SUSD1: variants seen among roughly 807,000 people sequenced by gnomAD.
SUSD1 encodes sushi domain-containing protein 1.
A neutral mutation model predicts 86.9 loss-of-function variants in SUSD1; 65 were observed. The observed-to-expected ratio is 0.75, with a 90% CI of 0.61 to 0.92. SUSD1 has a LOEUF of 0.92. Among genes scored for constraint, SUSD1 ranks in the 40% least tolerant of loss-of-function variants. The pLI, the probability that SUSD1 is intolerant of heterozygous loss-of-function variation, is 0.00. For missense variants in SUSD1, 850 were observed against 929.7 expected, an observed-to-expected ratio of 0.91 and a Z score of 1.11; for synonymous variants, 346 against 350.0, an observed-to-expected ratio of 0.99 and a Z score of 0.13.
chr9:112,164,737 G>A (rs189483668), intron 1 of SUSD1, among the ~76,000 whole-genome samples: 24 of 152,286 alleles, frequency 1.6e-4, no homozygotes, highest in African/African-American at 5.1e-4. Context: ...GAGGTCAAGA[G>A]ATTGAGATCA....
chr9:112,061,080 T>G (rs1297219070), intron 13 of SUSD1, among the ~76,000 whole-genome samples: 3 of 152,196 alleles, frequency 2.0e-5, no homozygotes, highest in African/African-American at 7.2e-5. Context: ...TCTGTATCGC[T>G]GGTAAAGCTC....
chr9:112,137,221 G>A (rs1832304141), intron 5 of SUSD1, among the ~76,000 whole-genome samples: 1 of 152,188 alleles, frequency 6.6e-6, no homozygotes, highest in Admixed American at 6.5e-5. Flanking sequence ...TCAGAAAGGA[G>A]CAGGCACAGC....
intron 12 of SUSD1, among the ~76,000 whole-genome samples, chr9:112,069,525 C>T (rs188238799): frequency 6.6e-6 from 1 of 152,136 alleles, no homozygotes; most frequent in African/African-American, 2.4e-5. Flanking sequence ...CCTTTGAGAT[C>T]GAACTGCCCT....
At chr9:112,109,224 C>A (rs552291882) in intron 8 of SUSD1, among the ~76,000 whole-genome samples, 60 of 152,258 alleles carry the variant, frequency 3.9e-4, no homozygotes, top group African/African-American at 1.4e-3. Context: ...GAAACTTCAA[C>A]AATCTTTTGA....
At chr9:112,115,824 G>GAAAAAAAA in intron 6 of SUSD1, among the ~76,000 whole-genome samples, 1 of 120,948 alleles carries the variant, frequency 8.3e-6, no homozygotes, top group Non-Finnish European at 1.6e-5. Flanking sequence ...AAAAAAAAAA[G>GAAAAAAAA]AAAAAAAAAA....
intron 12 of SUSD1, among the ~76,000 whole-genome samples, chr9:112,065,345 A>G (rs1051896287): frequency 1.3e-5 from 2 of 152,096 alleles, no homozygotes; most frequent in African/African-American, 4.8e-5. Context: ...CAACATGGTG[A>G]AATCCCATCT....
chr9:112,067,334 G>A (rs796421349), intron 12 of SUSD1, among the ~76,000 whole-genome samples: 3 of 152,234 alleles, frequency 2.0e-5, no homozygotes, highest in Non-Finnish European at 4.4e-5. Flanking sequence ...GTGACACCAC[G>A]TGTGACTGAA....
At chr9:112,083,019 G>T (rs1238173797) in intron 10 of SUSD1, among the ~76,000 whole-genome samples, 1 of 152,076 alleles carries the variant, frequency 6.6e-6, no homozygotes, top group Non-Finnish European at 1.5e-5. Flanking sequence ...GATTATAAAT[G>T]TAAGCCACTG....
At chr9:112,056,259 T>A (rs1344872088) in intron 14 of SUSD1, among the ~76,000 whole-genome samples, 1 of 151,456 alleles carries the variant, frequency 6.6e-6, no homozygotes, top group Non-Finnish European at 1.5e-5. Context: ...AGAGCAAGAC[T>A]CTGCCTCAAA....
At chr9:112,106,923 T>A (rs770031157) in intron 8 of SUSD1, among the ~76,000 whole-genome samples, 9 of 150,368 alleles carry the variant, frequency 6.0e-5, no homozygotes, top group Non-Finnish European at 1.0e-4. Context: ...GAAAAGAAAA[T>A]CTGTGTAACA....
At chr9:112,163,573 G>A (rs1050346598) in intron 1 of SUSD1, among the ~76,000 whole-genome samples, 1 of 152,048 alleles carries the variant, frequency 6.6e-6, no homozygotes, top group Non-Finnish European at 1.5e-5. Context: ...AGGAGATCAA[G>A]GCTGCAGTGT....
intron 5 of SUSD1, among the ~76,000 whole-genome samples, chr9:112,128,145 T>C (rs757969488): frequency 1.3e-5 from 2 of 152,170 alleles, no homozygotes; most frequent in Non-Finnish European, 2.9e-5. Flanking sequence ...CAGGCTGGAG[T>C]GCAGTGGCAC....
At chr9:112,043,977 T>G (rs2118829090) in intron 15 of SUSD1, among the ~76,000 whole-genome samples, 1 of 152,066 alleles carries the variant, frequency 6.6e-6, no homozygotes, top group East Asian at 1.9e-4. Flanking sequence ...GTTTTTGTAT[T>G]TTAGTAGAGA....
chr9:112,093,483 A>G (rs1388200258), intron 10 of SUSD1, among the ~76,000 whole-genome samples: 3 of 152,158 alleles, frequency 2.0e-5, no homozygotes, highest in Non-Finnish European at 4.4e-5. Flanking sequence ...TTACAGACCC[A>G]ACTGCCCATA....
Position 112,149,332 on chromosome 9 carries a change from G to A in SUSD1, c.285C>T (p.Pro95=), listed in dbSNP as rs773178986. 24 of 1,614,120 alleles carry A rather than the reference G, an allele frequency of 1.5e-5. No homozygotes were observed. Among genetic ancestry groups the A allele is most frequent in the South Asian group, 7.7e-5 (7 of 91,080 alleles). The change falls in exon 3 of 17, where the codon CCC becomes CCT. Residue 95 remains proline (P), a synonymous_variant. Transcript: ENST00000374270. ...CGNHTSCHNT[P]GGFYCICLEG... ...CCAGGCAAATGCAATAGAAGCCCCC[G>A]GGGGTGTTGTGGCAAGATGTGTGGT... is the stretch of plus-strand genomic sequence containing the variant.
chr9:112,159,856 C>T (rs1399789695), intron 1 of SUSD1, among the ~76,000 whole-genome samples: 2 of 151,558 alleles, frequency 1.3e-5, no homozygotes, highest in East Asian at 3.9e-4. Context: ...ATAAATATTC[C>T]ATGGTTAATT....
intron 5 of SUSD1, among the ~76,000 whole-genome samples, chr9:112,131,845 A>C (rs1832048634): frequency 6.6e-6 from 1 of 152,226 alleles, no homozygotes; most frequent in South Asian, 2.1e-4. Flanking sequence ...CAGTCAACTA[A>C]TTATGAGCAT....
At chr9:112,136,205 T>C (rs1832256315) in intron 5 of SUSD1, among the ~76,000 whole-genome samples, 1 of 152,178 alleles carries the variant, frequency 6.6e-6, no homozygotes, top group Non-Finnish European at 1.5e-5. Flanking sequence ...AGAAAATGTA[T>C]TTAATTGTTT....
At chr9:112,072,199 G>A (rs554474798) in intron 12 of SUSD1, among the ~76,000 whole-genome samples, 1 of 128,958 alleles carries the variant, frequency 7.8e-6, no homozygotes, top group Admixed American at 9.1e-5. Flanking sequence ...TGTCTAGGCT[G>A]GACTGCAGTG....
Sources: allele counts gnomAD v4.1 joint callset (sites outside exome capture counted in the v4.1 genomes callset), GRCh38; gene constraint gnomAD v4.1.1; transcripts MANE v1.5; gene names NCBI Gene and HGNC (gene_info 2026-07-23, HGNC 2026-07-21).